Variants in TRPM2 observed in about 807,000 individuals in gnomAD.
TRPM2 encodes the protein estrogen-responsive element-associated gene 1 protein.
Under a neutral mutation model 174.0 loss-of-function variants are expected in TRPM2, and 161 were observed. The ratio of observed to expected loss-of-function variants is 0.93; its 90% CI spans 0.81 to 1.05. The LOEUF (loss-of-function observed/expected upper bound fraction) is 1.05. Among genes scored for constraint, TRPM2 ranks in the 50% least tolerant of loss-of-function variants. TRPM2 has a pLI of 0.00. For synonymous variants in TRPM2, 954 were observed against 861.3 expected (o/e 1.11, Z -1.88); for missense variants, 2,057 against 2,038.0 (o/e 1.01, Z -0.18).
rs1237142338 is a variant in TRPM2, at chr21:44,397,763, C to T, written c.1949C>T (p.Ala650Val). 1 of 1,592,816 alleles carries T rather than the reference C, an allele frequency of 6.3e-7. No individual in the cohort carries two copies. The highest frequency in any genetic ancestry group is 1.3e-5 in the African/African-American group (1 of 74,374). The change falls in exon 13 of 32, where the codon GCA (alanine) becomes GTA (valine). Residue 650 changes from alanine (A) to valine (V), a missense_variant. By Grantham distance (64) the Ala-to-Val change is moderately conservative. Coordinates refer to ENST00000397928, the MANE Select transcript of TRPM2 (RefSeq NM_003307.4). ...IIWAQSQDCI[A>V]AALACSKILK... Reference sequence around the variant, plus strand: ...GGTCCCCAGAGCCAGGACTGCATCGCAGCGGCCTTGGCCTGCAGCAAGATC... The same window carrying T: ...GGTCCCCAGAGCCAGGACTGCATCGTAGCGGCCTTGGCCTGCAGCAAGATC...
chr21:44,353,092 G>T (rs1047895851), upstream of TRPM2, among the ~76,000 whole-genome samples: 1 of 152,226 alleles, frequency 6.6e-6, no homozygotes, highest in Non-Finnish European at 1.5e-5. Context: ...GGAGACCGAG[G>T]TTGCAGTGAG....
chr21:44,411,956 T>C (rs1023137393), intron 19 of TRPM2, among the ~76,000 whole-genome samples: 2 of 152,232 alleles, frequency 1.3e-5, no homozygotes, highest in Non-Finnish European at 2.9e-5. Context: ...CACTTGGTCT[T>C]GGTGAATAAT....
At position 44,425,801 on chromosome 21, in the gene TRPM2, G is replaced by T. The variant is rs761772781; in HGVS notation, c.3769G>T (p.Val1257Leu). 1 of 1,580,206 alleles carries T rather than the reference G, an allele frequency of 6.3e-7. No homozygotes were observed. The highest frequency in any genetic ancestry group is 8.7e-7 in the Non-Finnish European group (1 of 1,155,490). The change falls in exon 25 of 32, where the codon GTG becomes TTG. Residue 1257 changes from valine to leucine, a missense_variant. Physicochemically the swap from Val to Leu is conservative, Grantham distance 32. Coordinates refer to ENST00000397928, the MANE Select transcript of TRPM2 (RefSeq NM_003307.4). The part of the protein sequence containing the change: ...YPNCPVTRFP[V>L]PNEKVPWETE... ...CAACTGCCCTGTCACGCGCTTCCCCGTGCCCAACGAGAAGGTGCCCTGGGA... is the reference window on the plus strand; with the variant it reads ...CAACTGCCCTGTCACGCGCTTCCCCTTGCCCAACGAGAAGGTGCCCTGGGA...
rs1170103276 is a variant in TRPM2, at chr21:44,354,890, C to T, written c.254+154C>T. ...AGGCTTAGAGTCCACAGAGCATTTC[C>T]ACCTAACCCTTGCAAGCCTCCTGTC... On this transcript the variant is annotated intron_variant, in intron 2 of 31. Coordinates refer to ENST00000397928, the MANE Select transcript of TRPM2 (RefSeq NM_003307.4). The surrounding 1 kb of genome is among the most constrained non-coding windows in gnomAD (Gnocchi z 4.3). 6.6e-6 allele frequency among the ~76,000 whole-genome samples: 1 copy of T among 152,188 alleles called. No homozygotes were observed. The highest frequency in any genetic ancestry group is 1.5e-5 in the Non-Finnish European group (1 of 68,040).
At chr21:44,350,507 C>T (rs1188151974), upstream of TRPM2, among the ~76,000 whole-genome samples, 4 of 101,242 alleles carry the variant, frequency 4.0e-5, no homozygotes, top group Admixed American at 1.1e-4. Flanking sequence ...GGGTTCGGGG[C>T]GCTGGTGCAG....
chr21:44,353,350 G>C (rs946926052), upstream of TRPM2: 35 of 191,426 alleles, frequency 1.8e-4, no homozygotes, highest in African/African-American at 6.6e-4. Flanking sequence ...CTGCACCCGT[G>C]GGGGAGGGAG....
chr21:44,405,661 A>G (rs2049844273), intron 17 of TRPM2, among the ~76,000 whole-genome samples: 1 of 152,096 alleles, frequency 6.6e-6, no homozygotes, highest in Non-Finnish European at 1.5e-5. Flanking sequence ...GGCCCTGGCT[A>G]ACTGCTGGCT....
chr21:44,422,480 C>G, intron 22 of TRPM2: 1 of 1,519,676 alleles, frequency 6.6e-7, no homozygotes, highest in Non-Finnish European at 8.8e-7. Flanking sequence ...AGGAGATGCC[C>G]AGGCCTGGAG....
Position 44,367,077 on chromosome 21 carries a change from A to G in TRPM2, c.604+143A>G, listed in dbSNP as rs2048385344. The G allele has an allele frequency of 1.0e-6, 1 of 1,000,410 alleles. No homozygotes were observed. Among genetic ancestry groups the G allele is most frequent in the Non-Finnish European group, 1.4e-6 (1 of 705,802 alleles). 62.0% of individuals were successfully genotyped at this position (1,000,410 alleles called of 1,614,324 possible). A position where few individuals can be genotyped will look rare whatever the true frequency, so the allele number is the denominator to read the frequency against. ...GCCCCAGCCTGAGTCGGACCCATGCACCTCTCACCTGGGCACAGCTGCTCC... is the reference window on the plus strand; with the variant it reads ...GCCCCAGCCTGAGTCGGACCCATGCGCCTCTCACCTGGGCACAGCTGCTCC... On this transcript the variant is annotated intron_variant, in intron 4 of 31. Coordinates refer to ENST00000397928, the MANE Select transcript of TRPM2 (RefSeq NM_003307.4). This position sits in a 1 kb window ranked among gnomAD's most constrained non-coding sequence, Gnocchi z 4.6.
At chr21:44,351,791 CA>C (rs2047929796), upstream of TRPM2, among the ~76,000 whole-genome samples, 1 of 152,194 alleles carries the variant, frequency 6.6e-6, no homozygotes. Flanking sequence ...CTGCCTCCTG[CA>C]AAGTCGGGTG....
At chr21:44,434,212 C>G (rs1354541598) in intron 27 of TRPM2, among the ~76,000 whole-genome samples, 2 of 152,126 alleles carry the variant, frequency 1.3e-5, no homozygotes, top group Non-Finnish European at 2.9e-5. Flanking sequence ...CCACTGTCCC[C>G]ACTGTGGCAT....
At chr21:44,407,633 C>T (rs2049951521) in intron 19 of TRPM2, among the ~76,000 whole-genome samples, 1 of 151,696 alleles carries the variant, frequency 6.6e-6, no homozygotes, top group African/African-American at 2.4e-5. Flanking sequence ...CCACAGCCAC[C>T]CACGAAGCTA....
Position 44,406,486 on chromosome 21 carries a change from T to C in TRPM2, c.2791-108T>C. 2.2e-6 allele frequency: 3 copies of C among 1,343,904 alleles called. No individual in the cohort carries two copies. In the East Asian group the frequency reaches 7.4e-5, roughly 33 times the overall value. The allele number at this position is 1,343,904 out of a possible 1,614,324, so 83.2% of individuals were successfully genotyped here. A position where few individuals can be genotyped will look rare whatever the true frequency, so the allele number is the denominator to read the frequency against. ...TCCTGGGAGCCTCCTGCATGCCGTG[T>C]CTGTGCTGTGAGTGGCAGTGCTGTC... On this transcript the variant is annotated intron_variant, in intron 18 of 31. Transcript: ENST00000397928.
At chr21:44,422,332 A>G (rs1213069121) in intron 22 of TRPM2, 1 of 1,535,836 alleles carries the variant, frequency 6.5e-7, no homozygotes, top group Admixed American at 2.0e-5. Context: ...CAGTTCCTGC[A>G]TCTCACGGTG....
intron 27 of TRPM2, among the ~76,000 whole-genome samples, chr21:44,434,437 T>C (rs1225862168): frequency 6.6e-6 from 1 of 151,766 alleles, no homozygotes; most frequent in Non-Finnish European, 1.5e-5. Context: ...TGTCGGGGAC[T>C]ATGGCGGGGA....
chr21:44,401,753 C>T lies in TRPM2; in HGVS notation c.2394C>T (p.Val798=). 3 of 1,613,676 alleles carry T rather than the reference C, an allele frequency of 1.9e-6. No individual in the cohort carries two copies. The highest frequency in any genetic ancestry group is 2.5e-6 in the Non-Finnish European group (3 of 1,180,010). Residue 798 remains valine (V), a synonymous_variant, in exon 16 of 32, where the codon GTC becomes GTT. Coordinates refer to ENST00000397928, the MANE Select transcript of TRPM2 (RefSeq NM_003307.4). ...CCTTCTTCACCGCACCCGTGGTGGT[C>T]TTCCACCTGAACATCCTCTCCTACT... ...ARAFFTAPVV[V]FHLNILSYFA... is the part of the protein sequence containing the mutation.
rs113795464 is a variant in TRPM2 at position 44,366,683 on chromosome 21, G to A, written c.424-71G>A. 10 of 1,605,470 alleles carry A rather than the reference G, an allele frequency of 6.2e-6. No individual in the cohort carries two copies. The African/African-American group carries it at 6.7e-5, about 11-fold the overall frequency. On this transcript the variant is annotated intron_variant, in intron 3 of 31. Coordinates refer to ENST00000397928, the MANE Select transcript of TRPM2 (RefSeq NM_003307.4). The surrounding 1 kb of genome is among the most constrained non-coding windows in gnomAD (Gnocchi z 6.0). The stretch of plus-strand genomic sequence containing the variant: ...CCGCCCGCTGGGGCCTCTCTGCATG[G>A]CCTGTGTGGGTCGGTGCTGTCCCTG...
At position 44,382,799 on chromosome 21, in the gene TRPM2, A is replaced by C. The variant is rs573587457; in HGVS notation, c.1297A>C (p.Ile433Leu). The stretch of plus-strand genomic sequence containing the variant: ...TGGTCAGCAGGACGTGGATGTGGCC[A>C]TCTTGCAGGCCTTGCTGAAAGGTGA... ...KDGQQDVDVA[I>L]LQALLKASRS... Residue 433 changes from isoleucine to leucine, a missense_variant, in exon 9 of 32, where the codon ATC becomes CTC. Coordinates refer to ENST00000397928, the MANE Select transcript of TRPM2 (RefSeq NM_003307.4). 1.9e-6 allele frequency: 3 copies of C among 1,613,722 alleles called. No homozygotes were observed. Among genetic ancestry groups the C allele is most frequent in the African/African-American group, 1.3e-5 (1 of 75,044 alleles).
chr21:44,429,278 C>CTTTTTTTTTTTTTTTTTTTTTTTT (rs35708355), intron 27 of TRPM2, among the ~76,000 whole-genome samples: 1 of 44,194 alleles, frequency 2.3e-5, no homozygotes, highest in Non-Finnish European at 4.1e-5. Context: ...TTTTCTTTTT[C>CTTTTTTTTTTTTTTTTTTTTTTTT]TTTTTTTTTT....
Sources: allele counts gnomAD v4.1 joint callset (sites outside exome capture counted in the v4.1 genomes callset), GRCh38; gene constraint gnomAD v4.1.1; non-coding constraint Gnocchi (gnomAD v3.1); transcripts MANE v1.5; gene names NCBI Gene and HGNC (gene_info 2026-07-23, HGNC 2026-07-21).